The following ASTN2 variants were observed in gnomAD, a reference collection of about 807,000 sequenced individuals.
The protein encoded by ASTN2 is astrotactin 2.
Under a neutral mutation model 139.8 loss-of-function variants are expected in ASTN2, and 54 were observed. That is an observed-to-expected ratio of 0.39 (90% CI 0.31 to 0.48). The LOEUF (loss-of-function observed/expected upper bound fraction) is 0.48. Ranked by LOEUF, ASTN2 falls within the 20% of genes least tolerant of loss-of-function variation. ASTN2 has a pLI of 0.95. For synonymous variants in ASTN2, 756 were observed against 719.5 expected, an observed-to-expected ratio of 1.05 and a Z score of -0.81; for missense variants, 1,565 against 1,725.1, an observed-to-expected ratio of 0.91 and a Z score of 1.64.
At position 116,426,001 on chromosome 9, in the gene ASTN2, C is replaced by T. The variant is rs1399902109; in HGVS notation, c.3870G>A (p.Val1290=). 1 of 1,614,026 alleles carries T rather than the reference C, an allele frequency of 6.2e-7. No individual in the cohort carries two copies. The highest frequency in any genetic ancestry group is 1.3e-5 in the African/African-American group (1 of 74,918). ...LLRSAYIQSR[V]ETVPYLFCRS... Reference sequence around the variant, plus strand: ...GGCAGAAAAGATAGGGCACTGTTTCCACGCGGCTCTGGATGTAGGCACTCC... The same window carrying T: ...GGCAGAAAAGATAGGGCACTGTTTCTACGCGGCTCTGGATGTAGGCACTCC... The change falls in exon 23 of 23, where the codon GTG becomes GTA. Residue 1290 remains valine (V), a synonymous_variant. Transcript: ENST00000313400.
intron 19 of ASTN2, among the ~76,000 whole-genome samples, chr9:116,533,301 T>C (rs1477593602): frequency 6.6e-6 from 1 of 152,200 alleles, no homozygotes; most frequent in Non-Finnish European, 1.5e-5. Flanking sequence ...TCATGTCATC[T>C]GCAAACAGGG....
intron 11 of ASTN2, among the ~76,000 whole-genome samples, chr9:116,836,095 A>G (rs941340527): frequency 6.6e-6 from 1 of 152,120 alleles, no homozygotes; most frequent in Non-Finnish European, 1.5e-5. Flanking sequence ...CCCTCTTTTC[A>G]GCTGGATGAG....
chr9:116,795,823 C>T (rs1250910252), intron 13 of ASTN2, among the ~76,000 whole-genome samples: 1 of 152,174 alleles, frequency 6.6e-6, no homozygotes, highest in South Asian at 2.1e-4. Context: ...GCTTATTTGC[C>T]TGTTAAATCC....
In ASTN2 at chr9:117,096,108, C is replaced by T. The variant is rs890117363; in HGVS notation, c.1212G>A (p.Glu404=). The change falls in exon 5 of 23, where the codon GAG becomes GAA. Residue 404 remains glutamate, a synonymous_variant. Coordinates refer to ENST00000313400, the MANE Select transcript of ASTN2 (RefSeq NM_001365068.1). ...ATGTCAGCTGAGTTTCATCGTCTGC[C>T]TCTGAGCCCGACGTCCCCTTGGCTC... The part of the protein sequence containing the change: ...FGRAKGTSGS[E]ADDETQLTFY... 9 of 1,613,938 alleles carry T rather than the reference C, an allele frequency of 5.6e-6. No homozygotes were observed. The highest frequency in any genetic ancestry group is 1.7e-5 in the Admixed American group (1 of 59,996).
intron 1 of ASTN2, among the ~76,000 whole-genome samples, chr9:117,403,646 G>A (rs529404174): frequency 1.7e-4 from 26 of 151,966 alleles, no homozygotes; most frequent in Non-Finnish European, 3.5e-4. Context: ...TAATGGAAAT[G>A]TTCCTTCCCT....
intron 19 of ASTN2, chr9:116,540,465 G>A (rs1419244856): frequency 6.6e-6 from 1 of 152,212 alleles, no homozygotes; most frequent in African/African-American, 2.4e-5. Flanking sequence ...AAGATGCATG[G>A]AATAACACGT....
chr9:117,140,720 C>T (rs528225595), intron 4 of ASTN2, among the ~76,000 whole-genome samples: 1 of 152,042 alleles, frequency 6.6e-6, no homozygotes, highest in East Asian at 1.9e-4. Flanking sequence ...GGAAAAGGAG[C>T]AGGAAGAAAA....
chr9:116,753,585 G>A (rs1829456909), intron 13 of ASTN2, among the ~76,000 whole-genome samples: 1 of 152,090 alleles, frequency 6.6e-6, no homozygotes, highest in African/African-American at 2.4e-5. Flanking sequence ...AATAATAAGA[G>A]GAGAAACTGA....
chr9:116,815,800 G>A (rs189163412), intron 12 of ASTN2, among the ~76,000 whole-genome samples: 642 of 4,932 alleles, frequency 0.13, 7 homozygotes, highest in Middle Eastern at 0.5. Flanking sequence ...GCGAGACTCC[G>A]TCTCAAAAAA....
chr9:116,978,016 C>A (rs567211839), intron 7 of ASTN2, among the ~76,000 whole-genome samples: 6 of 152,208 alleles, frequency 3.9e-5, no homozygotes, highest in African/African-American at 1.2e-4. Flanking sequence ...CACGCCTGGC[C>A]TAGAAATATT....
intron 10 of ASTN2, among the ~76,000 whole-genome samples, chr9:116,933,376 G>A (rs1834965639): frequency 6.6e-6 from 1 of 152,060 alleles, no homozygotes; most frequent in Admixed American, 6.5e-5. Flanking sequence ...CTTCCCTCTA[G>A]TCTACTTCAA....
At chr9:116,909,638 G>C (rs180890275) in intron 10 of ASTN2, among the ~76,000 whole-genome samples, 1 of 152,294 alleles carries the variant, frequency 6.6e-6, no homozygotes, top group Admixed American at 6.5e-5. Context: ...GGGAGTGAGA[G>C]GTCTCAGGAT....
chr9:116,534,933 A>G (rs1276677783), intron 19 of ASTN2, among the ~76,000 whole-genome samples: 7 of 152,266 alleles, frequency 4.6e-5, no homozygotes, highest in Non-Finnish European at 5.9e-5. Flanking sequence ...TTTCTGTCTC[A>G]TTGATCTGTC....
At position 117,340,028 on chromosome 9, in the gene ASTN2, G is replaced by T. The variant is rs1034680282; in HGVS notation, c.443-48515C>A. Reference sequence around the variant, plus strand: ...AGTGTGGCCTTAGTTACCTGGACAGGGAGAACAAATGACAGCTCTCAGAGA... The same window carrying T: ...AGTGTGGCCTTAGTTACCTGGACAGTGAGAACAAATGACAGCTCTCAGAGA... On this transcript the variant is annotated intron_variant, in intron 1 of 22. Transcript: ENST00000313400. 2.6e-5 allele frequency among the ~76,000 whole-genome samples: 4 copies of T among 152,060 alleles called. No homozygotes were observed. The South Asian group carries it at 8.3e-4, about 32-fold the overall frequency.
intron 2 of ASTN2, among the ~76,000 whole-genome samples, chr9:117,263,933 G>C (rs1417497683): frequency 6.6e-6 from 1 of 152,122 alleles, no homozygotes; most frequent in East Asian, 1.9e-4. Context: ...TTGGGAGGCT[G>C]AGACAGGTGG....
chr9:116,661,911 T>C (rs1858584512), intron 16 of ASTN2, among the ~76,000 whole-genome samples: 1 of 151,738 alleles, frequency 6.6e-6, no homozygotes, highest in Non-Finnish European at 1.5e-5. Flanking sequence ...ATACCTAATG[T>C]AAATGATGAG....
intron 10 of ASTN2, among the ~76,000 whole-genome samples, chr9:116,956,463 T>C (rs1254755250): frequency 6.8e-6 from 1 of 147,930 alleles, no homozygotes; most frequent in Non-Finnish European, 1.5e-5. Context: ...ATATGAAATA[T>C]GTATATTAAC....
At chr9:116,722,047 G>A (rs1828486804) in intron 16 of ASTN2, among the ~76,000 whole-genome samples, 1 of 152,144 alleles carries the variant, frequency 6.6e-6, no homozygotes, top group Non-Finnish European at 1.5e-5. Flanking sequence ...GCACATGAAA[G>A]CTAGAGAGCA....
At chr9:116,512,761 CTTCT>C (rs1256978072) in intron 19 of ASTN2, among the ~76,000 whole-genome samples, 1 of 152,102 alleles carries the variant, frequency 6.6e-6, no homozygotes, top group African/African-American at 2.4e-5. Flanking sequence ...ATGTAATGGC[CTTCT>C]TTGTCTCTTT....
Sources: allele counts gnomAD v4.1 joint callset (sites outside exome capture counted in the v4.1 genomes callset), GRCh38; gene constraint gnomAD v4.1.1; transcripts MANE v1.5; gene names NCBI Gene and HGNC (gene_info 2026-07-23, HGNC 2026-07-21).